The following TCF4 variants were observed in gnomAD, a reference collection of about 807,000 sequenced individuals.
TCF4 encodes transcription factor 4.
A neutral mutation model predicts 82.1 loss-of-function variants in TCF4; 3 were observed. The ratio of observed to expected loss-of-function variants is 0.04; its 90% confidence interval spans 0.02 to 0.09. TCF4 has a LOEUF of 0.09. Among genes scored for constraint, TCF4 ranks in the 10% least tolerant of loss-of-function variants. The pLI is 1.00. For synonymous variants in TCF4, 276 were observed against 309.6 expected (o/e 0.89, Z 1.14); for missense variants, 518 against 852.7 (o/e 0.61, Z 4.89).
At chr18:55,297,470 TA>T (rs2066881763) in intron 8 of TCF4, among the ~76,000 whole-genome samples, 1 of 50,504 alleles carries the variant, frequency 2.0e-5, no homozygotes, top group African/African-American at 2.0e-4. Context: ...GGTGGTGAGC[TA>T]GCTCTTCACA....
At chr18:55,258,738 A>G (rs1254756243) in intron 13 of TCF4, among the ~76,000 whole-genome samples, 5 of 152,192 alleles carry the variant, frequency 3.3e-5, no homozygotes, top group Admixed American at 3.3e-4. Flanking sequence ...AGATTCCTCT[A>G]TCCCTTGTTG....
intron 8 of TCF4, among the ~76,000 whole-genome samples, chr18:55,301,041 A>C (rs1424688270): frequency 6.6e-6 from 1 of 152,108 alleles, no homozygotes; most frequent in Non-Finnish European, 1.5e-5. Flanking sequence ...CGGCCTGGAG[A>C]AAGCTCGTTA....
intron 3 of TCF4, among the ~76,000 whole-genome samples, chr18:55,499,457 G>A (rs2145988082): frequency 6.6e-6 from 1 of 152,280 alleles, no homozygotes; most frequent in Admixed American, 6.5e-5. Flanking sequence ...TTTTAGCACA[G>A]GGTAAAGCAT....
At position 55,565,305 on chromosome 18, in the gene TCF4, TA is replaced by T. The variant is rs531748404; in HGVS notation, c.145+19974del. On this transcript the variant is annotated intron_variant, in intron 3 of 19. Transcript: ENST00000354452. ...CTACAAAACAACCAATGTTCAACATTAAAAAAAAAAAAAATTCTCCAAAAGT... is the reference window on the plus strand; with the variant it reads ...CTACAAAACAACCAATGTTCAACATTAAAAAAAAAAAAATTCTCCAAAAGT... Among the ~76,000 whole-genome samples, 823 of 138,566 alleles carry T rather than the reference TA, an allele frequency of 5.9e-3. 2 individuals are homozygous for T. The highest frequency in any genetic ancestry group is 7.7e-3 in the Admixed American group (107 of 13,894). The allele number at this position is 138,566 out of a possible 152,430, so 90.9% of individuals were successfully genotyped here.
chr18:55,359,708 C>A (rs1203310889), intron 6 of TCF4, among the ~76,000 whole-genome samples: 1 of 152,198 alleles, frequency 6.6e-6, no homozygotes, highest in Non-Finnish European at 1.5e-5. Flanking sequence ...TTAAGAACAT[C>A]ACCTCATGAA....
chr18:55,530,566 G>GA (rs890046915), intron 3 of TCF4, among the ~76,000 whole-genome samples: 2 of 148,608 alleles, frequency 1.3e-5, no homozygotes, highest in East Asian at 2.1e-4. Flanking sequence ...TGAAAAGGGG[G>GA]GGGGAAACAG....
At chr18:55,286,777 T>C (rs1359749865) in intron 8 of TCF4, among the ~76,000 whole-genome samples, 1 of 152,238 alleles carries the variant, frequency 6.6e-6, no homozygotes, top group Non-Finnish European at 1.5e-5. Context: ...TATTTACTAA[T>C]GGAGGAAGAA....
chr18:55,529,960 A>T (rs1401997467), intron 3 of TCF4, among the ~76,000 whole-genome samples: 2 of 152,146 alleles, frequency 1.3e-5, no homozygotes, highest in Non-Finnish European at 2.9e-5. Flanking sequence ...GTTGCCAAGC[A>T]CGCAAGCAGA....
At chr18:55,283,525 C>T (rs763505190) in intron 8 of TCF4, among the ~76,000 whole-genome samples, 1 of 152,156 alleles carries the variant, frequency 6.6e-6, no homozygotes, top group Admixed American at 6.5e-5. Context: ...GTTCCACATA[C>T]ATTATATCTA....
At chr18:55,556,289 T>G (rs1364865134) in intron 3 of TCF4, among the ~76,000 whole-genome samples, 1 of 152,212 alleles carries the variant, frequency 6.6e-6, no homozygotes, top group Non-Finnish European at 1.5e-5. Flanking sequence ...GTTTAAGAAC[T>G]ATGATAATGG....
chr18:55,228,293 G>T lies in TCF4; in HGVS notation c.1948C>A (p.Pro650Thr). 1 of 1,614,106 alleles carries T rather than the reference G, an allele frequency of 6.2e-7. No homozygotes were observed. Among genetic ancestry groups the T allele is most frequent in the Non-Finnish European group, 8.5e-7 (1 of 1,180,000 alleles). Residue 650 changes from proline to threonine, a missense_variant, in exon 19 of 20, where the codon CCC (proline) becomes ACC (threonine). Physicochemically the swap from Pro to Thr is conservative, Grantham distance 38 (BLOSUM62 -1). Coordinates refer to ENST00000354452, the MANE Select transcript of TCF4 (RefSeq NM_001083962.2). ...TGTGGGCCGGCCAAGGAGAGAGGGG[G>T]AGGCTCTGAGGACACCTTCTCTTCC... ...REEEKVSSEP[P>T]PLSLAGPHPG...
At chr18:55,624,577 A>T (rs995732075) in intron 2 of TCF4, among the ~76,000 whole-genome samples, 2 of 50,626 alleles carry the variant, frequency 4.0e-5, no homozygotes, top group Non-Finnish European at 1.4e-4. Context: ...GACCCAGATT[A>T]AAAAAAAAAA....
intron 8 of TCF4, among the ~76,000 whole-genome samples, chr18:55,288,199 T>G (rs1054078579): frequency 6.6e-6 from 1 of 152,188 alleles, no homozygotes; most frequent in Non-Finnish European, 1.5e-5. Flanking sequence ...AATATTATCC[T>G]ACTGAATTCC....
intron 3 of TCF4, among the ~76,000 whole-genome samples, chr18:55,481,867 T>C (rs1001573063): frequency 2.6e-5 from 4 of 152,210 alleles, no homozygotes; most frequent in South Asian, 2.1e-4. Flanking sequence ...AAATCAGTGA[T>C]TCTTCATACA....
chr18:55,619,512 A>G (rs988999719), intron 2 of TCF4, among the ~76,000 whole-genome samples: 1 of 152,184 alleles, frequency 6.6e-6, no homozygotes, highest in Non-Finnish European at 1.5e-5. Context: ...CTAATCTACC[A>G]TTAATTTCAG....
intron 6 of TCF4, among the ~76,000 whole-genome samples, chr18:55,394,160 T>C (rs2093348053): frequency 6.6e-6 from 1 of 152,174 alleles, no homozygotes; most frequent in South Asian, 2.1e-4. Context: ...ACTTACTGTA[T>C]ACAATGCCAA....
chr18:55,364,850 T>C (rs1273835580), intron 6 of TCF4, among the ~76,000 whole-genome samples: 1 of 152,070 alleles, frequency 6.6e-6, no homozygotes, highest in Non-Finnish European at 1.5e-5. Context: ...TTATTTATAA[T>C]TTACTAATGC....
chr18:55,297,301 T>A (rs541436164), intron 8 of TCF4, among the ~76,000 whole-genome samples: 3 of 149,838 alleles, frequency 2.0e-5, no homozygotes, highest in South Asian at 2.1e-4. Flanking sequence ...ACAGAGCGCA[T>A]AGAGTCTGAG....
chr18:55,605,471 T>C (rs2097701402), intron 2 of TCF4, among the ~76,000 whole-genome samples: 1 of 152,194 alleles, frequency 6.6e-6, no homozygotes, highest in Non-Finnish European at 1.5e-5. Flanking sequence ...GGTTCTCTCT[T>C]CTAGAGTTGG....
Sources: allele counts gnomAD v4.1 joint callset (sites outside exome capture counted in the v4.1 genomes callset), GRCh38; gene constraint gnomAD v4.1.1; transcripts MANE v1.5; gene names NCBI Gene and HGNC (gene_info 2026-07-23, HGNC 2026-07-21).